Variants in LINGO2 observed in about 807,000 individuals in gnomAD.
LINGO2 encodes leucine-rich repeat and immunoglobulin-like domain-containing nogo receptor-interacting protein 2.
LINGO2 carries 14 observed loss-of-function variants against 30.6 expected under a neutral mutation model. The observed-to-expected ratio is 0.46, with a 90% CI of 0.30 to 0.72. LINGO2 has a LOEUF of 0.72. LINGO2 is among the 30% of genes least tolerant of loss of function. The pLI is 0.07. For missense variants in LINGO2, 729 were observed against 751.7 expected (o/e 0.97, Z 0.35); for synonymous variants, 317 against 288.5 (o/e 1.10, Z -1.00).
At chr9:29,112,071 G>A in the LINGO2 span, among the ~76,000 whole-genome samples, 35,525 of 151,250 alleles carry the variant, frequency 0.23, 4,303 homozygotes, top group East Asian at 0.4. Flanking sequence ...TATATAATAT[G>A]TATGATGTAT....
At chr9:29,104,812 C>A in the LINGO2 span, among the ~76,000 whole-genome samples, 1 of 152,054 alleles carries the variant, frequency 6.6e-6, no homozygotes, top group African/African-American at 2.4e-5. Context: ...TTTTCCAATG[C>A]AAATAATCTT....
At chr9:29,035,207 G>A in the LINGO2 span, among the ~76,000 whole-genome samples, 4 of 151,832 alleles carry the variant, frequency 2.6e-5, no homozygotes, top group Non-Finnish European at 4.4e-5. Context: ...GGTCCTCAGC[G>A]GCCTCATAGT....
chr9:28,241,451 G>T (rs777133786), intron 4 of LINGO2, among the ~76,000 whole-genome samples: 2 of 152,036 alleles, frequency 1.3e-5, no homozygotes, highest in Non-Finnish European at 2.9e-5. Context: ...CTGACTAGGC[G>T]GCAGGTATGA....
the LINGO2 span, among the ~76,000 whole-genome samples, chr9:28,730,495 C>T: frequency 9.2e-5 from 14 of 152,208 alleles, no homozygotes; most frequent in Non-Finnish European, 5.9e-5. Context: ...AGCAAAAGTC[C>T]ATCTAAAAGG....
chr9:28,545,509 A>G (rs1481261664), intron 1 of LINGO2, among the ~76,000 whole-genome samples: 1 of 152,100 alleles, frequency 6.6e-6, no homozygotes, highest in African/African-American at 2.4e-5. Context: ...TGGAGGCACT[A>G]TAATATATGG....
chr9:28,009,145 T>A (rs1221477463), intron 5 of LINGO2, among the ~76,000 whole-genome samples: 1 of 151,294 alleles, frequency 6.6e-6, no homozygotes, highest in East Asian at 1.9e-4. Flanking sequence ...GGAAAAGTTT[T>A]TTTTTTTTCC....
chr9:28,583,517 A>G (rs1405205779), intron 1 of LINGO2, among the ~76,000 whole-genome samples: 4 of 152,082 alleles, frequency 2.6e-5, no homozygotes, highest in Non-Finnish European at 4.4e-5. Context: ...AGGCTACTGT[A>G]AGCAAAACTG....
intron 1 of LINGO2, among the ~76,000 whole-genome samples, chr9:28,510,684 G>A (rs199658802): frequency 2.8e-3 from 3 of 1,086 alleles, no homozygotes; most frequent in South Asian, 0.083. Flanking sequence ...GTATATATAT[G>A]TGTGTGTGTG....
At chr9:28,928,008 C>T in the LINGO2 span, among the ~76,000 whole-genome samples, 10 of 152,108 alleles carry the variant, frequency 6.6e-5, no homozygotes, top group Non-Finnish European at 1.5e-4. Context: ...CTACAATGTG[C>T]CAGAAAGTAG....
chr9:28,796,908 C>A, the LINGO2 span, among the ~76,000 whole-genome samples: 1 of 151,526 alleles, frequency 6.6e-6, no homozygotes, highest in Non-Finnish European at 1.5e-5. Context: ...TGATGGTCTG[C>A]ACTTAATTCT....
At chr9:29,107,709 T>G in the LINGO2 span, among the ~76,000 whole-genome samples, 5 of 152,126 alleles carry the variant, frequency 3.3e-5, no homozygotes, top group Admixed American at 3.3e-4. Flanking sequence ...CTTTATTTTG[T>G]TCCTTTGGCA....
chr9:28,744,655 G>A, the LINGO2 span, among the ~76,000 whole-genome samples: 1 of 51,026 alleles, frequency 2.0e-5, no homozygotes, highest in African/African-American at 8.1e-5. Flanking sequence ...TTTTTTTTTT[G>A]AGATGGAGTC....
At chr9:27,980,931 C>T (rs775638441) in intron 5 of LINGO2, among the ~76,000 whole-genome samples, 16 of 151,804 alleles carry the variant, frequency 1.1e-4, no homozygotes, top group African/African-American at 2.9e-4. Flanking sequence ...AAGATTTGTG[C>T]CCTATGTGCA....
At position 28,230,265 on chromosome 9, in the gene LINGO2, T is replaced by TA. The variant is rs555118791; in HGVS notation, c.-87+64942dup. ...AAAACAGTTGAATAAACTGGTTCTG[T>TA]AAAAAAATAAAAATACAGGTAAACT... On this transcript the variant is annotated intron_variant, in intron 4 of 5. Transcript: ENST00000379992. Among the ~76,000 whole-genome samples, 703 of 151,850 alleles carry TA rather than the reference T, an allele frequency of 4.6e-3. 3 individuals are homozygous for TA. The highest frequency in any genetic ancestry group is 0.016 in the African/African-American group (672 of 41,520).
rs1387633933 is a variant in LINGO2 at position 28,052,950 on chromosome 9, A to T, written c.-86-40545T>A. On this transcript the variant is annotated intron_variant, in intron 4 of 5. Coordinates refer to ENST00000379992, the Ensembl canonical transcript of LINGO2. ...ATCTGTATTCAAATACATTTAAGAC[A>T]TTGAGCATCCAGTACATGTAAGACA... Among the ~76,000 whole-genome samples the T allele has an allele frequency of 2.7e-5, 4 of 149,348 alleles. No homozygotes were observed. In the East Asian group the frequency reaches 5.9e-4, roughly 22 times the overall value.
chr9:29,175,651 T>C, the LINGO2 span, among the ~76,000 whole-genome samples: 1 of 151,272 alleles, frequency 6.6e-6, no homozygotes, highest in African/African-American at 2.4e-5. Context: ...CTCAGTCTCC[T>C]GAGTAGCTGG....
chr9:27,998,632 G>T (rs926754149), intron 5 of LINGO2, among the ~76,000 whole-genome samples: 3 of 152,124 alleles, frequency 2.0e-5, no homozygotes, highest in Non-Finnish European at 4.4e-5. Context: ...TGAAAAAGAA[G>T]TAGCTGTGCG....
the LINGO2 span, among the ~76,000 whole-genome samples, chr9:28,991,876 G>A: frequency 6.6e-6 from 1 of 150,878 alleles, no homozygotes; most frequent in African/African-American, 2.4e-5. Context: ...CACTAAACAC[G>A]GAAAGGAACA....
At chr9:28,245,251 G>A (rs368231108) in intron 4 of LINGO2, among the ~76,000 whole-genome samples, 5 of 152,012 alleles carry the variant, frequency 3.3e-5, no homozygotes, top group East Asian at 3.9e-4. Flanking sequence ...AATAAAATTC[G>A]ACATACCTTC....
Sources: allele counts gnomAD v4.1 joint callset (sites outside exome capture counted in the v4.1 genomes callset), GRCh38; gene constraint gnomAD v4.1.1; transcripts MANE v1.5; gene names NCBI Gene and HGNC (gene_info 2026-07-23, HGNC 2026-07-21).